Variants in TYW1 observed in about 807,000 individuals in gnomAD.
The protein encoded by TYW1 is tRNA-yW synthesizing protein 1 homolog.
In TYW1, 46 loss-of-function variants were observed where a neutral mutation model predicts 96.2. The observed-to-expected ratio is 0.48, with a 90% CI of 0.38 to 0.61. The LOEUF (loss-of-function observed/expected upper bound fraction) is 0.61. TYW1 is among the 20% of genes least tolerant of loss of function. The probability of loss-of-function intolerance (pLI) is 0.00; values close to 1 mark genes in which losing one functional copy is unlikely to be tolerated. For missense variants in TYW1, 684 were observed against 909.6 expected (o/e 0.75, Z 3.19); for synonymous variants, 274 against 323.0 (o/e 0.85, Z 1.63).
intron 15 of TYW1, among the ~76,000 whole-genome samples, chr7:67,197,376 A>G (rs1800432235): frequency 6.8e-6 from 1 of 147,830 alleles, no homozygotes; most frequent in Non-Finnish European, 1.5e-5. Flanking sequence ...CACAGGCTGG[A>G]GTGCAGTGAT....
At chr7:67,022,899 T>C (rs2129245770) in intron 6 of TYW1, among the ~76,000 whole-genome samples, 1 of 152,256 alleles carries the variant, frequency 6.6e-6, no homozygotes, top group South Asian at 2.1e-4. Context: ...TGGTTTCAAA[T>C]AGGAGAGCGT....
intron 10 of TYW1, among the ~76,000 whole-genome samples, chr7:67,072,934 GTTTTTTT>G (rs529812538): frequency 3.7e-4 from 26 of 71,216 alleles, no homozygotes; most frequent in Admixed American, 1.4e-3. Context: ...TGCCTATCCA[GTTTTTTT>G]TTTTTTTTTT....
At chr7:67,037,295 G>A (rs908170629) in intron 7 of TYW1, among the ~76,000 whole-genome samples, 5 of 152,160 alleles carry the variant, frequency 3.3e-5, no homozygotes, top group African/African-American at 7.2e-5. Flanking sequence ...ATCACCTGAC[G>A]TCAGGAGACC....
intron 9 of TYW1, among the ~76,000 whole-genome samples, chr7:67,065,453 G>T (rs1795826811): frequency 6.6e-6 from 1 of 152,168 alleles, no homozygotes; most frequent in African/African-American, 2.4e-5. Context: ...AGTGGCATGA[G>T]ATTTTGTGGA....
chr7:67,009,082 T>C (rs1278473012), intron 3 of TYW1, among the ~76,000 whole-genome samples: 1 of 152,166 alleles, frequency 6.6e-6, no homozygotes, highest in Admixed American at 6.5e-5. Flanking sequence ...TGATCGTAGC[T>C]CACTGTATCC....
At chr7:67,097,976 C>T (rs890749259) in intron 11 of TYW1, among the ~76,000 whole-genome samples, 2 of 152,056 alleles carry the variant, frequency 1.3e-5, no homozygotes, top group Non-Finnish European at 2.9e-5. Flanking sequence ...GCTGGGATTA[C>T]AGGTGTGAGC....
chr7:67,019,967 T>G (rs1794184607), intron 6 of TYW1, among the ~76,000 whole-genome samples: 1 of 152,286 alleles, frequency 6.6e-6, no homozygotes, highest in African/African-American at 2.4e-5. Context: ...ATTACTTAGC[T>G]CAACAGGAAG....
chr7:67,140,588 A>G (rs1442132502), intron 13 of TYW1, among the ~76,000 whole-genome samples: 12 of 149,296 alleles, frequency 8.0e-5, no homozygotes, highest in African/African-American at 3.0e-4. Flanking sequence ...CTTTAATGAA[A>G]TCCACACAGC....
intron 11 of TYW1, among the ~76,000 whole-genome samples, chr7:67,096,894 A>G (rs150114053): frequency 1.3e-5 from 2 of 152,298 alleles, no homozygotes; most frequent in East Asian, 3.9e-4. Flanking sequence ...AATGCCTTCT[A>G]CATTGAGTCA....
chr7:67,177,725 C>T (rs202238604), intron 13 of TYW1, among the ~76,000 whole-genome samples: 19 of 150,958 alleles, frequency 1.3e-4, no homozygotes, highest in East Asian at 3.9e-4. Context: ...TGATACAACG[C>T]GGGTGAAAGT....
intron 14 of TYW1, among the ~76,000 whole-genome samples, chr7:67,193,707 C>T (rs1315641595): frequency 3.3e-5 from 5 of 149,282 alleles, no homozygotes; most frequent in South Asian, 2.1e-4. Context: ...TGCAGTGAGC[C>T]GAGATCAGGC....
chr7:67,094,299 C>T (rs1295838449), intron 11 of TYW1, among the ~76,000 whole-genome samples: 10 of 152,120 alleles, frequency 6.6e-5, no homozygotes, highest in South Asian at 2.1e-4. Context: ...AATAGTGCTG[C>T]GATGAACATA....
At chr7:67,208,429 C>G (rs544475611) in intron 15 of TYW1, among the ~76,000 whole-genome samples, 11 of 152,098 alleles carry the variant, frequency 7.2e-5, no homozygotes, top group African/African-American at 2.4e-4. Flanking sequence ...CGGTGGCTTA[C>G]GCCTGTAATC....
chr7:67,166,865 T>C (rs1315575358), intron 13 of TYW1, among the ~76,000 whole-genome samples: 1 of 152,190 alleles, frequency 6.6e-6, no homozygotes, highest in Non-Finnish European at 1.5e-5. Context: ...GGCTAACTGA[T>C]GTTCACTGTG....
chr7:67,016,825 C>T (rs981415222), intron 5 of TYW1, among the ~76,000 whole-genome samples: 8 of 152,042 alleles, frequency 5.3e-5, no homozygotes, highest in African/African-American at 1.9e-4. Flanking sequence ...TGGGGTTTTA[C>T]TTTGGTGCCC....
intron 13 of TYW1, among the ~76,000 whole-genome samples, chr7:67,154,482 G>GC: frequency 6.8e-6 from 1 of 147,692 alleles, no homozygotes; most frequent in South Asian, 2.2e-4. Context: ...TTGATAAGCA[G>GC]TTTTTTTCTT....
chr7:67,122,091 C>G (rs1477641119), intron 13 of TYW1, among the ~76,000 whole-genome samples: 1 of 151,886 alleles, frequency 6.6e-6, no homozygotes, highest in African/African-American at 2.4e-5. Context: ...TGTGTTTCTG[C>G]TGAACTATGA....
intron 9 of TYW1, among the ~76,000 whole-genome samples, chr7:67,065,832 A>G (rs1252972657): frequency 6.6e-6 from 1 of 152,040 alleles, no homozygotes; most frequent in Non-Finnish European, 1.5e-5. Context: ...CCAATATGGT[A>G]AAACCCTGTA....
At chr7:67,192,580 A>G (rs56276563) in intron 14 of TYW1, among the ~76,000 whole-genome samples, 3 of 152,062 alleles carry the variant, frequency 2.0e-5, no homozygotes, top group African/African-American at 7.2e-5. Flanking sequence ...TCAATAAATA[A>G]TTTTCATGTT....
Sources: allele counts gnomAD v4.1 joint callset (sites outside exome capture counted in the v4.1 genomes callset), GRCh38; gene constraint gnomAD v4.1.1; transcripts MANE v1.5; gene names NCBI Gene and HGNC (gene_info 2026-07-23, HGNC 2026-07-21).